Variants in ZDHHC14 observed in about 807,000 individuals in gnomAD.
The protein encoded by ZDHHC14 is zDHHC palmitoyltransferase 14.
Under a neutral mutation model 47.7 loss-of-function variants are expected in ZDHHC14, and 16 were observed. The ratio of observed to expected loss-of-function variants is 0.34; its 90% CI spans 0.23 to 0.51. The LOEUF is 0.51. Ranked by LOEUF, ZDHHC14 falls within the 20% of genes least tolerant of loss-of-function variation. ZDHHC14 has a pLI of 0.97. For missense variants in ZDHHC14, 515 were observed against 662.5 expected (o/e 0.78, Z 2.44); for synonymous variants, 293 against 278.9 (o/e 1.05, Z -0.50).
intron 1 of ZDHHC14, among the ~76,000 whole-genome samples, chr6:157,433,266 C>A (rs1301812351): frequency 6.6e-6 from 1 of 152,176 alleles, no homozygotes; most frequent in East Asian, 1.9e-4. Context: ...TGCTTTGATT[C>A]TGATGATGTG....
rs1778248835 is a variant in ZDHHC14, at chr6:157,427,668, G to A, written c.245+45402G>A. Among the ~76,000 whole-genome samples the A allele has an allele frequency of 6.6e-6, 1 of 152,174 alleles. No individual in the cohort carries two copies. The highest frequency in any genetic ancestry group is 2.4e-5 in the African/African-American group (1 of 41,426). ...GGCAGAGGAACGTGAGTATTGAGAT[G>A]TCGGCATGGGAGGTGGCTTGGATTT... On this transcript the variant is annotated intron_variant, in intron 1 of 8. Transcript: ENST00000359775. This position sits in a 1 kb window ranked among gnomAD's most constrained non-coding sequence, Gnocchi z 4.4.
rs138977262 is a variant in ZDHHC14, at chr6:157,465,770, G to A, written c.246-76815G>A. On this transcript the variant is annotated intron_variant, in intron 1 of 8. Coordinates refer to ENST00000359775, the MANE Select transcript of ZDHHC14 (RefSeq NM_024630.3). ...GTAGAGAGAGGTGGGGGCTGGGCGCGATAGCTTATGCCTGTAATCTCAGCA... is the reference window on the plus strand; with the variant it reads ...GTAGAGAGAGGTGGGGGCTGGGCGCAATAGCTTATGCCTGTAATCTCAGCA... 6.0e-3 allele frequency among the ~76,000 whole-genome samples: 909 copies of A among 152,232 alleles called. 11 individuals are homozygous for A. Among genetic ancestry groups the A allele is most frequent in the African/African-American group, 0.02 (837 of 41,512 alleles).
At chr6:157,571,967 AG>A (rs971395277) in intron 2 of ZDHHC14, among the ~76,000 whole-genome samples, 1 of 151,658 alleles carries the variant, frequency 6.6e-6, no homozygotes, top group African/African-American at 2.4e-5. Context: ...ATCCAAATTC[AG>A]GGTGGGAGGG....
intron 1 of ZDHHC14, among the ~76,000 whole-genome samples, chr6:157,540,910 G>GTGTGTGTGTATA (rs1284429244): frequency 4.9e-5 from 6 of 122,986 alleles, no homozygotes; most frequent in African/African-American, 2.2e-4. Context: ...GTGTGTGTGT[G>GTGTGTGTGTATA]TATATATATA....
At chr6:157,672,625 C>CG in intron 8 of ZDHHC14, 99 bp from the exon 9 acceptor site, 1 of 229,144 alleles carries the variant, frequency 4.4e-6, no homozygotes, top group Non-Finnish European at 8.9e-6. Context: ...TCTTCTCGCA[C>CG]CCCACCCTCC....
At chr6:157,632,764 G>T in intron 4 of ZDHHC14, 70 bp from the exon 5 acceptor site, 1 of 1,371,558 alleles carries the variant, frequency 7.3e-7, no homozygotes, top group South Asian at 1.2e-5. Flanking sequence ...TTATTTTTTT[G>T]TAGATGAGAG....
chr6:157,413,106 C>T (rs1317337451), intron 1 of ZDHHC14, among the ~76,000 whole-genome samples: 1 of 152,170 alleles, frequency 6.6e-6, no homozygotes, highest in Non-Finnish European at 1.5e-5. Flanking sequence ...GAAGTGTAAT[C>T]CCTTTCCATA....
At chr6:157,592,645 C>G (rs1446355420) in intron 2 of ZDHHC14, 8 of 718,436 alleles carry the variant, frequency 1.1e-5, no homozygotes, top group South Asian at 4.8e-5. Flanking sequence ...CCAGCTGTGT[C>G]TCCCAAGATG....
chr6:157,678,128 A>G lies in ZDHHC14; in HGVS notation c.*5006A>G, dbSNP rs1021547752. 2.0e-5 allele frequency: 3 copies of G among 152,206 alleles called. No individual in the cohort carries two copies. The highest frequency in any genetic ancestry group is 2.4e-5 in the African/African-American group (1 of 41,454). 9.4% of individuals were successfully genotyped at this position (152,206 alleles called of 1,614,324 possible). ...TGAATTAAAAAATTTTTCTCCTTCA[A>G]TAAAAACTGCTAATGGCATAAAATG... On this transcript the variant is annotated 3_prime_UTR_variant, in exon 9 of 9. Transcript: ENST00000359775.
At chr6:157,528,152 C>A (rs1562463358) in intron 1 of ZDHHC14, among the ~76,000 whole-genome samples, 2 of 152,094 alleles carry the variant, frequency 1.3e-5, no homozygotes, top group Non-Finnish European at 2.9e-5. Context: ...TTGTTTCCAC[C>A]ATTTTTCCCT....
At position 157,586,392 on chromosome 6, in the gene ZDHHC14, C is replaced by T. The variant is rs185629300; in HGVS notation, c.407-6596C>T. Among the ~76,000 whole-genome samples, 7 of 152,294 alleles carry T rather than the reference C, an allele frequency of 4.6e-5. No homozygotes were observed. Among genetic ancestry groups the T allele is most frequent in the Non-Finnish European group, 7.4e-5 (5 of 68,026 alleles). On this transcript the variant is annotated intron_variant, in intron 2 of 8. Transcript: ENST00000359775. This position sits in a 1 kb window ranked among gnomAD's most constrained non-coding sequence, Gnocchi z 4.6. The stretch of plus-strand genomic sequence containing the variant: ...GGAATCCCGAGCAGAGAAAATATCA[C>T]GTGCAAATGCCTGGAAGTAGAAAAC...
chr6:157,655,549 C>T (rs1477019449), intron 8 of ZDHHC14, among the ~76,000 whole-genome samples: 1 of 152,202 alleles, frequency 6.6e-6, no homozygotes, highest in Non-Finnish European at 1.5e-5. Flanking sequence ...GAATTCTGGC[C>T]GCAGCATACG....
At chr6:157,471,717 T>G (rs1256603309) in intron 1 of ZDHHC14, among the ~76,000 whole-genome samples, 3 of 152,146 alleles carry the variant, frequency 2.0e-5, no homozygotes, top group African/African-American at 7.2e-5. Context: ...CAAGAGGGAA[T>G]GAAACAAAAG....
intron 8 of ZDHHC14, among the ~76,000 whole-genome samples, chr6:157,660,903 C>G (rs971083303): frequency 6.6e-6 from 1 of 152,128 alleles, no homozygotes; most frequent in Non-Finnish European, 1.5e-5. Context: ...ATGGTCTATT[C>G]AGAGAAATGG....
At chr6:157,389,592 T>C (rs576490026) in intron 1 of ZDHHC14, among the ~76,000 whole-genome samples, 2 of 152,350 alleles carry the variant, frequency 1.3e-5, no homozygotes, top group South Asian at 4.1e-4. Context: ...GAATTGCATA[T>C]TTTTAGTATT....
chr6:157,575,021 G>A (rs887030187), intron 2 of ZDHHC14, among the ~76,000 whole-genome samples: 6 of 152,212 alleles, frequency 3.9e-5, no homozygotes, highest in Admixed American at 2.6e-4. Context: ...CCGATTATGG[G>A]GTTGGCAAGT....
chr6:157,583,884 T>C (rs1328759436), intron 2 of ZDHHC14, among the ~76,000 whole-genome samples: 1 of 148,750 alleles, frequency 6.7e-6, no homozygotes, highest in African/African-American at 2.5e-5. Flanking sequence ...CACCAAGAGA[T>C]GCAGAGCCAT....
At chr6:157,416,061 C>T (rs1777966269) in intron 1 of ZDHHC14, among the ~76,000 whole-genome samples, 1 of 152,138 alleles carries the variant, frequency 6.6e-6, no homozygotes, top group South Asian at 2.1e-4. Context: ...AAGTTATTCT[C>T]CAAGCATCAC....
At chr6:157,646,454 T>TA (rs967666698) in intron 6 of ZDHHC14, 3 of 151,688 alleles carry the variant, frequency 2.0e-5, no homozygotes, top group Admixed American at 6.6e-5. Flanking sequence ...CCACTAAAAA[T>TA]ACAAAAAAAT....
Sources: gnomAD v4.1 joint callset for allele counts (sites outside exome capture counted in the v4.1 genomes callset) on GRCh38, gnomAD v4.1.1 for gene constraint, Gnocchi (gnomAD v3.1) non-coding constraint, MANE v1.5 for transcripts, NCBI Gene and HGNC (gene_info 2026-07-23, HGNC 2026-07-21) for gene names.